CDH9: variants seen among roughly 807,000 people sequenced by gnomAD.
The protein encoded by CDH9 is cadherin 9.
CDH9 carries 28 observed loss-of-function variants against 70.9 expected under a neutral mutation model. That is an observed-to-expected ratio of 0.40 (90% confidence interval 0.29 to 0.54). The LOEUF (loss-of-function observed/expected upper bound fraction) is 0.54, where lower values mean the gene tolerates loss of function less well. Among genes scored for constraint, CDH9 ranks in the 20% least tolerant of loss-of-function variants. CDH9 has a pLI of 0.59. For synonymous variants in CDH9, 409 were observed against 343.1 expected (o/e 1.19, Z -2.12); for missense variants, 874 against 984.4 (o/e 0.89, Z 1.50).
At chr5:26,926,438 A>C (rs1432374230) in intron 2 of CDH9, among the ~76,000 whole-genome samples, 1 of 152,136 alleles carries the variant, frequency 6.6e-6, no homozygotes, top group Non-Finnish European at 1.5e-5. Context: ...AACGAAATAA[A>C]AGAGCACACA....
intron 2 of CDH9, among the ~76,000 whole-genome samples, chr5:26,975,271 G>A (rs957959172): frequency 6.6e-6 from 1 of 152,132 alleles, no homozygotes; most frequent in Non-Finnish European, 1.5e-5. Flanking sequence ...CGCCAAAGCA[G>A]ATTCCAATTT....
intron 1 of CDH9, among the ~76,000 whole-genome samples, chr5:27,031,408 C>T (rs1291695441): frequency 6.6e-6 from 1 of 151,742 alleles, no homozygotes; most frequent in Non-Finnish European, 1.5e-5. Flanking sequence ...GGGTTAAAAT[C>T]TCCTCACACT....
At chr5:26,918,544 T>C (rs1277549278) in intron 2 of CDH9, among the ~76,000 whole-genome samples, 1 of 152,220 alleles carries the variant, frequency 6.6e-6, no homozygotes, top group African/African-American at 2.4e-5. Flanking sequence ...AGATCATAAA[T>C]AAAACTTGCC....
chr5:26,918,174 C>T (rs751746181), intron 2 of CDH9, among the ~76,000 whole-genome samples: 2 of 152,098 alleles, frequency 1.3e-5, no homozygotes, highest in African/African-American at 2.4e-5. Context: ...TCTCAGAAGG[C>T]CTGTTCTAGC....
intron 2 of CDH9, among the ~76,000 whole-genome samples, chr5:26,977,824 A>C (rs1742328643): frequency 6.6e-6 from 1 of 152,108 alleles, no homozygotes; most frequent in Non-Finnish European, 1.5e-5. Flanking sequence ...CACTTCAGAT[A>C]CTGAGAAGAG....
intron 2 of CDH9, among the ~76,000 whole-genome samples, chr5:26,917,789 A>G (rs1223168259): frequency 6.6e-6 from 1 of 152,020 alleles, no homozygotes; most frequent in Non-Finnish European, 1.5e-5. Context: ...CTCTACTCCA[A>G]GCAATTTTTC....
intron 2 of CDH9, among the ~76,000 whole-genome samples, chr5:26,932,393 T>C (rs1304540076): frequency 6.6e-6 from 1 of 151,512 alleles, no homozygotes; most frequent in Non-Finnish European, 1.5e-5. Flanking sequence ...AGCCCCAGTA[T>C]GCATTAACAA....
chr5:27,035,933 T>C (rs1450228130), intron 1 of CDH9, among the ~76,000 whole-genome samples: 1 of 151,880 alleles, frequency 6.6e-6, no homozygotes, highest in Non-Finnish European at 1.5e-5. Flanking sequence ...CTGTTTACTT[T>C]CATAGAGAAC....
chr5:26,968,691 A>G (rs1011598003), intron 2 of CDH9, among the ~76,000 whole-genome samples: 7 of 152,210 alleles, frequency 4.6e-5, no homozygotes, highest in African/African-American at 2.4e-5. Context: ...TGATATTAAT[A>G]TAATAAGCAT....
At chr5:26,924,233 G>T (rs752444297) in intron 2 of CDH9, among the ~76,000 whole-genome samples, 11 of 151,848 alleles carry the variant, frequency 7.2e-5, no homozygotes, top group South Asian at 6.3e-4. Context: ...TGAGACCAGA[G>T]AAATTCAAAG....
intron 1 of CDH9, among the ~76,000 whole-genome samples, chr5:27,021,947 T>C (rs985492409): frequency 1.3e-5 from 2 of 152,000 alleles, no homozygotes; most frequent in African/African-American, 2.4e-5. Context: ...GAAAACAAAA[T>C]GTTTAATTCA....
At chr5:26,886,188 A>C (rs1216021344) in intron 9 of CDH9, 105 bp from the exon 10 acceptor site, 21 of 1,293,288 alleles carry the variant, frequency 1.6e-5, no homozygotes, top group Middle Eastern at 2.4e-4. Context: ...CATCACGAAA[A>C]CAAAGCAAGA....
At chr5:27,001,356 G>A (rs1205087262) in intron 1 of CDH9, among the ~76,000 whole-genome samples, 1 of 152,048 alleles carries the variant, frequency 6.6e-6, no homozygotes, top group Non-Finnish European at 1.5e-5. Context: ...TTCCGCAAGG[G>A]TATGTTTTGA....
chr5:26,998,131 C>T (rs1460515186), intron 1 of CDH9, among the ~76,000 whole-genome samples: 5 of 152,236 alleles, frequency 3.3e-5, no homozygotes, highest in Admixed American at 2.6e-4. Flanking sequence ...AGCATAAGTC[C>T]ATGTGTTAAT....
intron 2 of CDH9, among the ~76,000 whole-genome samples, chr5:26,972,671 T>C (rs76617725): frequency 0.032 from 4,939 of 152,280 alleles, 105 homozygotes; most frequent in Non-Finnish European, 0.05. Flanking sequence ...GTGGATGCTT[T>C]TCAGCGGTCC....
At chr5:27,024,925 A>G (rs1012727769) in intron 1 of CDH9, among the ~76,000 whole-genome samples, 6 of 152,048 alleles carry the variant, frequency 3.9e-5, no homozygotes, top group African/African-American at 1.4e-4. Context: ...AGTCATAAAT[A>G]CCATATCACT....
intron 7 of CDH9, among the ~76,000 whole-genome samples, chr5:26,893,676 T>C (rs1388770429): frequency 1.4e-5 from 2 of 139,158 alleles, no homozygotes; most frequent in Non-Finnish European, 3.1e-5. Context: ...ACAGCATATA[T>C]ATATATTTTA....
intron 2 of CDH9, among the ~76,000 whole-genome samples, chr5:26,967,014 C>G (rs533690177): frequency 3.3e-5 from 5 of 152,206 alleles, no homozygotes; most frequent in Admixed American, 1.3e-4. Context: ...CTCGTTGCAG[C>G]CTGGATCTCC....
At chr5:27,019,058 A>C (rs1743093202) in intron 1 of CDH9, among the ~76,000 whole-genome samples, 1 of 152,020 alleles carries the variant, frequency 6.6e-6, no homozygotes, top group Non-Finnish European at 1.5e-5. Context: ...TAGGCTAAGC[A>C]CTGAAATCCA....
Sources: allele counts gnomAD v4.1 joint callset (sites outside exome capture counted in the v4.1 genomes callset), GRCh38; gene constraint gnomAD v4.1.1; transcripts MANE v1.5; gene names NCBI Gene and HGNC (gene_info 2026-07-23, HGNC 2026-07-21).